Variants in THNSL1 observed in about 807,000 individuals in gnomAD.
THNSL1 encodes the protein threonine synthase like 1.
A neutral mutation model predicts 50.4 loss-of-function variants in THNSL1; 48 were observed. The observed-to-expected ratio is 0.95, with a 90% CI of 0.76 to 1.21. The LOEUF is 1.21. THNSL1 is among the 50% of genes most tolerant of loss of function. The probability of loss-of-function intolerance (pLI) is 0.00; values close to 1 mark genes in which losing one functional copy is unlikely to be tolerated. For synonymous variants in THNSL1, 309 were observed against 306.1 expected, an observed-to-expected ratio of 1.01 and a Z score of -0.10; for missense variants, 896 against 871.7, an observed-to-expected ratio of 1.03 and a Z score of -0.35.
At chr10:24,967,229 T>G in the THNSL1 span, among the ~76,000 whole-genome samples, 32 of 151,966 alleles carry the variant, frequency 2.1e-4, no homozygotes, top group Non-Finnish European at 2.1e-4. Flanking sequence ...TGTGCGTGCA[T>G]GCACTGAAGA....
In THNSL1 at chr10:25,025,513, C is replaced by A; in HGVS notation, c.*58C>A. Reference sequence around the variant, plus strand: ...TAAGCATGCAATAATAAATCTCAAACACTGATTTGGAGTACAGTAGCATTT... The same window carrying A: ...TAAGCATGCAATAATAAATCTCAAAAACTGATTTGGAGTACAGTAGCATTT... On this transcript the variant is annotated 3_prime_UTR_variant, in exon 3 of 3. Coordinates refer to ENST00000376356, the MANE Select transcript of THNSL1 (RefSeq NM_024838.5). The A allele has an allele frequency of 1.3e-6, 2 of 1,487,510 alleles. No individual in the cohort carries two copies. The highest frequency in any genetic ancestry group is 1.8e-6 in the Non-Finnish European group (2 of 1,100,824). 92.1% of individuals were successfully genotyped at this position (1,487,510 alleles called of 1,614,324 possible).
the THNSL1 span, among the ~76,000 whole-genome samples, chr10:25,002,701 T>C: frequency 6.6e-6 from 1 of 152,342 alleles, no homozygotes; most frequent in East Asian, 1.9e-4. Flanking sequence ...CTTCCTTATG[T>C]AGATAAATTT....
intron 1 of THNSL1, among the ~76,000 whole-genome samples, chr10:25,017,526 C>CTAA (rs1391208638): frequency 6.6e-6 from 1 of 151,630 alleles, no homozygotes; most frequent in African/African-American, 2.4e-5. Context: ...CCTGGTGAAC[C>CTAA]TTTTAGTTCC....
Position 25,024,899 on chromosome 10 carries a change from C to G in THNSL1, c.1676C>G (p.Thr559Ser). ...YDLRERKLAQ[T>S]FSPSIDILKS... ...CTAAGGGAAAGAAAACTAGCACAAACCTTTTCACCGTCAATAGATATTCTC... is the reference window on the plus strand; with the variant it reads ...CTAAGGGAAAGAAAACTAGCACAAAGCTTTTCACCGTCAATAGATATTCTC... The change falls in exon 3 of 3, where the codon ACC (threonine) becomes AGC (serine). Residue 559 changes from threonine (T) to serine (S), a missense_variant. Transcript: ENST00000376356. 6.2e-7 allele frequency: 1 copy of G among 1,613,830 alleles called. No homozygotes were observed. Among genetic ancestry groups the G allele is most frequent in the Non-Finnish European group, 8.5e-7 (1 of 1,179,998 alleles).
chr10:24,984,314 G>A, the THNSL1 span: 52 of 1,566,834 alleles, frequency 3.3e-5, no homozygotes, highest in South Asian at 8.2e-5. Flanking sequence ...AAGAAGGCAC[G>A]TGTTACTATT....
At chr10:24,952,679 C>T in the THNSL1 span, 4 of 87,616 alleles carry the variant, frequency 4.6e-5, no homozygotes, top group Non-Finnish European at 9.6e-5. This position sits in a 1 kb window ranked among gnomAD's most constrained non-coding sequence, Gnocchi z 5.1. Flanking sequence ...GGGACGGGGA[C>T]GGGGACGGGG....
chr10:24,984,848 TA>T, the THNSL1 span: 3 of 1,613,812 alleles, frequency 1.9e-6, no homozygotes, highest in South Asian at 3.3e-5. Context: ...ATAGAATCTA[TA>T]AAGACCGAGA....
chr10:24,991,412 G>C, the THNSL1 span, among the ~76,000 whole-genome samples: 1 of 151,870 alleles, frequency 6.6e-6, no homozygotes, highest in Non-Finnish European at 1.5e-5. Flanking sequence ...AACCCCCCGA[G>C]ACCCTAGCAG....
the THNSL1 span, among the ~76,000 whole-genome samples, chr10:25,011,535 G>T: frequency 6.6e-6 from 1 of 152,126 alleles, no homozygotes; most frequent in Non-Finnish European, 1.5e-5. Context: ...GCCATATGTA[G>T]AAAGCTGAAA....
chr10:25,016,135 G>A (rs1387612277), upstream of THNSL1: 13 of 1,244,286 alleles, frequency 1.0e-5, no homozygotes, highest in Non-Finnish European at 1.3e-5. Context: ...ATTTCTCTCC[G>A]GATTGCTAAG....
chr10:24,977,580 A>G, the THNSL1 span, among the ~76,000 whole-genome samples: 10 of 152,230 alleles, frequency 6.6e-5, no homozygotes, highest in African/African-American at 1.2e-4. Flanking sequence ...ATACGCCTAC[A>G]CAGTTCAACA....
the THNSL1 span, among the ~76,000 whole-genome samples, chr10:24,969,070 T>C: frequency 7.2e-5 from 11 of 152,184 alleles, no homozygotes; most frequent in Non-Finnish European, 8.8e-5. Context: ...AGTCTTGTAT[T>C]TTTAGTAAAG....
the THNSL1 span, chr10:24,995,849 C>T: frequency 4.4e-5 from 70 of 1,603,978 alleles, 1 homozygote; most frequent in Middle Eastern, 1.7e-4. Context: ...TTTTTGGGCA[C>T]GTTCCGATCA....
upstream of THNSL1, among the ~76,000 whole-genome samples, chr10:25,012,631 T>C (rs1850477915): frequency 6.6e-6 from 1 of 152,230 alleles, no homozygotes; most frequent in Non-Finnish European, 1.5e-5. Flanking sequence ...CCCCTTTGTT[T>C]TGGCCAATTT....
At chr10:25,000,004 T>C in the THNSL1 span, among the ~76,000 whole-genome samples, 1 of 152,324 alleles carries the variant, frequency 6.6e-6, no homozygotes, top group East Asian at 1.9e-4. Context: ...ACTTTGGTTT[T>C]AATTTGTTTT....
chr10:24,962,558 C>A, the THNSL1 span, among the ~76,000 whole-genome samples: 1 of 152,138 alleles, frequency 6.6e-6, no homozygotes, highest in Non-Finnish European at 1.5e-5. Flanking sequence ...ATCATTTAAA[C>A]ATTTTTCTAA....
chr10:24,981,853 G>C, the THNSL1 span: 1 of 152,256 alleles, frequency 6.6e-6, no homozygotes, highest in South Asian at 2.1e-4. Flanking sequence ...ACGTGAAATT[G>C]CCTCCTTCTA....
chr10:24,973,877 C>T, the THNSL1 span, among the ~76,000 whole-genome samples: 1 of 152,146 alleles, frequency 6.6e-6, no homozygotes, highest in Admixed American at 6.5e-5. Context: ...CCTCAGCCCC[C>T]TGAGTAGCTG....
At chr10:24,991,525 G>A in the THNSL1 span, among the ~76,000 whole-genome samples, 7 of 152,158 alleles carry the variant, frequency 4.6e-5, no homozygotes, top group Middle Eastern at 0.01. Context: ...CACACCAATG[G>A]GCACCAGCAT....
Sources: gnomAD v4.1 joint callset for allele counts (sites outside exome capture counted in the v4.1 genomes callset) on GRCh38, gnomAD v4.1.1 for gene constraint, Gnocchi (gnomAD v3.1) non-coding constraint, MANE v1.5 for transcripts, NCBI Gene and HGNC (gene_info 2026-07-23, HGNC 2026-07-21) for gene names.